The following GPD1L variants were observed in gnomAD, a reference collection of about 807,000 sequenced individuals.
GPD1L encodes glycerol-3-phosphate dehydrogenase 1 like.
GPD1L carries 17 observed loss-of-function variants against 32.9 expected under a neutral mutation model. The ratio of observed to expected loss-of-function variants is 0.52; its 90% CI spans 0.35 to 0.78. The LOEUF (loss-of-function observed/expected upper bound fraction) is 0.78. Ranked by LOEUF, GPD1L falls within the 30% of genes least tolerant of loss-of-function variation. GPD1L has a pLI of 0.01. For synonymous variants in GPD1L, 187 were observed against 165.9 expected (o/e 1.13, Z -0.98); for missense variants, 361 against 447.8 (o/e 0.81, Z 1.75).
At chr3:32,120,992 T>C (rs1700403943) in intron 1 of GPD1L, among the ~76,000 whole-genome samples, 1 of 152,000 alleles carries the variant, frequency 6.6e-6, no homozygotes, top group African/African-American at 2.4e-5. Flanking sequence ...CAGGCGGGTG[T>C]CCATCCAGCT....
intron 1 of GPD1L, among the ~76,000 whole-genome samples, chr3:32,120,548 A>G (rs566840014): frequency 6.2e-4 from 95 of 152,330 alleles, no homozygotes; most frequent in African/African-American, 2.3e-3. Flanking sequence ...AGATGTAACC[A>G]TCATTGGGTC....
Position 32,106,857 on chromosome 3 carries a change from G to C in GPD1L, c.47+99G>C, listed in dbSNP as rs985724640. On this transcript the variant is annotated intron_variant, in intron 1 of 7. Transcript: ENST00000282541. This position sits in a 1 kb window ranked among gnomAD's most constrained non-coding sequence, Gnocchi z 4.0. ...CCCCATGCTGCGGCGTGGGCACCGG[G>C]CACTGCGCGCAGGGAGGCGGGGTGG... The C allele has an allele frequency of 3.4e-6, 4 of 1,168,884 alleles. No individual in the cohort carries two copies. The Admixed American group carries it at 1.4e-4, about 40-fold the overall frequency. The allele number at this position is 1,168,884 out of a possible 1,614,324, so 72.4% of individuals were successfully genotyped here. A position where few individuals can be genotyped will look rare whatever the true frequency, so the allele number is the denominator to read the frequency against.
chr3:32,134,502 C>A (rs532099770), intron 2 of GPD1L, among the ~76,000 whole-genome samples: 2 of 152,278 alleles, frequency 1.3e-5, no homozygotes, highest in Admixed American at 1.3e-4. Context: ...TGTTTGTTTG[C>A]TTGTGACAGG....
At chr3:32,150,701 G>A (rs1483410502) in intron 5 of GPD1L, among the ~76,000 whole-genome samples, 1 of 152,116 alleles carries the variant, frequency 6.6e-6, no homozygotes, top group African/African-American at 2.4e-5. Flanking sequence ...TGGCCAGGCT[G>A]TAGCTGGCCA....
chr3:32,168,212 G>GT lies in GPD1L; in HGVS notation c.*2303dup, dbSNP rs1701176068. ...GATATTCTGCACATTATGGAAAAAG[G>GT]TAAATTTTAGAAGTTTCTGCTCTAC... On this transcript the variant is annotated 3_prime_UTR_variant, in exon 8 of 8. Transcript: ENST00000282541. The GT allele has an allele frequency of 6.6e-6, 1 of 152,502 alleles. No individual in the cohort carries two copies. The highest frequency in any genetic ancestry group is 1.5e-5 in the Non-Finnish European group (1 of 67,998). The allele number at this position is 152,502 out of a possible 1,614,324, so 9.4% of individuals were successfully genotyped here.
chr3:32,118,905 A>T (rs780948266), intron 1 of GPD1L, among the ~76,000 whole-genome samples: 1 of 152,208 alleles, frequency 6.6e-6, no homozygotes, highest in Non-Finnish European at 1.5e-5. Context: ...TTCAGTTAGC[A>T]TAATGTCTTC....
At chr3:32,144,777 C>T (rs569638519) in intron 4 of GPD1L, among the ~76,000 whole-genome samples, 3 of 151,594 alleles carry the variant, frequency 2.0e-5, no homozygotes, top group African/African-American at 4.8e-5. Flanking sequence ...CCTCCGCCCC[C>T]TGGGCTCAAA....
At chr3:32,110,811 A>T (rs1366204766) in intron 1 of GPD1L, among the ~76,000 whole-genome samples, 1 of 152,230 alleles carries the variant, frequency 6.6e-6, no homozygotes, top group East Asian at 1.9e-4. Flanking sequence ...TGATTTGGAA[A>T]AACAACAAAA....
At position 32,106,669 on chromosome 3, in the gene GPD1L, C is replaced by G. The variant is rs769899821; in HGVS notation, c.-43C>G. On this transcript the variant is annotated 5_prime_UTR_variant, in exon 1 of 8. Transcript: ENST00000282541. This position sits in a 1 kb window ranked among gnomAD's most constrained non-coding sequence, Gnocchi z 4.0. ...GGCTGAACAGGCGGAGGTGGGCAGC[C>G]GGCCAGGGAAGCACGGTCCAGGCGG... The G allele has an allele frequency of 4.0e-6, 6 of 1,486,118 alleles. No homozygotes were observed. Among genetic ancestry groups the G allele is most frequent in the East Asian group, 2.8e-5 (1 of 36,280 alleles). 92.1% of individuals were successfully genotyped at this position (1,486,118 alleles called of 1,614,324 possible).
At chr3:32,153,769 G>T (rs889106051) in intron 5 of GPD1L, among the ~76,000 whole-genome samples, 2 of 152,200 alleles carry the variant, frequency 1.3e-5, no homozygotes, top group Non-Finnish European at 2.9e-5. Flanking sequence ...CCTGCAGGTA[G>T]CATGGGCTGG....
intron 1 of GPD1L, among the ~76,000 whole-genome samples, chr3:32,110,257 T>G (rs1364087602): frequency 1.2e-4 from 18 of 152,284 alleles, no homozygotes. Context: ...AGACCACTTG[T>G]GTCAGAATTA....
chr3:32,121,624 T>TATTTCTATATATATTTCTATATATATTA (rs1553657530), intron 1 of GPD1L, among the ~76,000 whole-genome samples: 17 of 65,874 alleles, frequency 2.6e-4, no homozygotes, highest in African/African-American at 2.0e-3. Flanking sequence ...TCTATATATA[T>TATTTCTATATATATTTCTATATATATTA]TATATATATT....
Position 32,138,608 on chromosome 3 carries a change from G to A in GPD1L, c.247G>A (p.Glu83Lys), listed in dbSNP as rs72552292. 1.7e-4 allele frequency: 269 copies of A among 1,614,048 alleles called. 1 individual carries two copies. Among genetic ancestry groups the A allele is most frequent in the Middle Eastern group, 6.6e-4 (4 of 6,058 alleles). Residue 83 changes from glutamate (E) to lysine (K), a missense_variant, in exon 3 of 8, where the codon GAG (glutamate) becomes AAG (lysine). Coordinates refer to ENST00000282541, the MANE Select transcript of GPD1L (RefSeq NM_015141.4). ...GCAGGTTGCCATGTCAAATCTTAGC[G>A]AGGCTGTGCAGGATGCAGACCTGCT... ...ENVVAMSNLS[E>K]AVQDADLLVF... is the part of the protein sequence containing the mutation.
In GPD1L at chr3:32,158,856, C is replaced by T; in HGVS notation, c.619-20C>T. Reference sequence around the variant, plus strand: ...GGTGGGTGCTGTAACGGCATCTGGGCTTTGTCATCTCCTTTGCAGAACATC... The same window carrying T: ...GGTGGGTGCTGTAACGGCATCTGGGTTTTGTCATCTCCTTTGCAGAACATC... On this transcript the variant is annotated intron_variant, in intron 5 of 7. Coordinates refer to ENST00000282541, the MANE Select transcript of GPD1L (RefSeq NM_015141.4). 6.2e-7 allele frequency: 1 copy of T among 1,612,104 alleles called. No individual in the cohort carries two copies. Among genetic ancestry groups the T allele is most frequent in the Non-Finnish European group, 8.5e-7 (1 of 1,179,070 alleles).
At chr3:32,139,044 C>T (rs941219582) in intron 3 of GPD1L, among the ~76,000 whole-genome samples, 21 of 152,082 alleles carry the variant, frequency 1.4e-4, no homozygotes. Flanking sequence ...AATTAATAAC[C>T]ATTAGTGCCC....
chr3:32,152,581 G>C (rs1324008421), intron 5 of GPD1L, among the ~76,000 whole-genome samples: 1 of 152,036 alleles, frequency 6.6e-6, no homozygotes, highest in Non-Finnish European at 1.5e-5. Flanking sequence ...AGCCACTCCC[G>C]GAGTCTTTTT....
At chr3:32,150,517 CAG>C (rs1442685516) in intron 5 of GPD1L, among the ~76,000 whole-genome samples, 1 of 147,548 alleles carries the variant, frequency 6.8e-6, no homozygotes, top group Admixed American at 6.8e-5. Context: ...TTTTTTGAGA[CAG>C]AGTCTTGCCC....
intron 1 of GPD1L, among the ~76,000 whole-genome samples, chr3:32,109,899 G>A (rs188902471): frequency 6.6e-6 from 1 of 152,206 alleles, no homozygotes; most frequent in Non-Finnish European, 1.5e-5. Context: ...ACTTTAAATC[G>A]TGTTTCTTTT....
intron 1 of GPD1L, among the ~76,000 whole-genome samples, chr3:32,115,745 C>T (rs1481537793): frequency 2.8e-5 from 3 of 108,574 alleles, no homozygotes; most frequent in Admixed American, 1.2e-4. Context: ...AAACCCTTTT[C>T]GTGTACGTTG....
Sources: gnomAD v4.1 joint callset for allele counts (sites outside exome capture counted in the v4.1 genomes callset) on GRCh38, gnomAD v4.1.1 for gene constraint, Gnocchi (gnomAD v3.1) non-coding constraint, MANE v1.5 for transcripts, NCBI Gene and HGNC (gene_info 2026-07-23, HGNC 2026-07-21) for gene names.